SUGCT: variants seen among roughly 807,000 people sequenced by gnomAD.
SUGCT encodes succinyl-CoA:glutarate CoA-transferase.
Under a neutral mutation model 55.0 loss-of-function variants are expected in SUGCT, and 41 were observed. The ratio of observed to expected loss-of-function variants is 0.74; its 90% CI spans 0.58 to 0.97. The LOEUF is 0.97. SUGCT is among the 50% of genes least tolerant of loss of function. SUGCT has a pLI of 0.00. For synonymous variants in SUGCT, 187 were observed against 200.4 expected, an observed-to-expected ratio of 0.93 and a Z score of 0.56; for missense variants, 568 against 547.8, an observed-to-expected ratio of 1.04 and a Z score of -0.37.
chr7:40,863,707 C>T (rs1794532823), downstream of SUGCT, among the ~76,000 whole-genome samples: 1 of 152,128 alleles, frequency 6.6e-6, no homozygotes, highest in Non-Finnish European at 1.5e-5. Context: ...AGTCTCCTTG[C>T]ATTTGCTTCT....
intron 13 of SUGCT, among the ~76,000 whole-genome samples, chr7:40,804,605 T>A (rs910404393): frequency 1.3e-5 from 2 of 152,088 alleles, no homozygotes; most frequent in African/African-American, 4.8e-5. Context: ...GCAATCAGCA[T>A]TTGTGGATGA....
rs576279953 is a variant in SUGCT at position 40,601,351 on chromosome 7, A to C, written c.1089+104965A>C. On this transcript the variant is annotated intron_variant, in intron 12 of 13. Transcript: ENST00000335693. ...AGGGAGAGATCTGGGATCTGCAGACACCAGGTTCCCCTGTGGACTGTAACC... is the reference window on the plus strand; with the variant it reads ...AGGGAGAGATCTGGGATCTGCAGACCCCAGGTTCCCCTGTGGACTGTAACC... Among the ~76,000 whole-genome samples the C allele has an allele frequency of 1.8e-3, 278 of 152,312 alleles. 1 individual carries two copies. Among genetic ancestry groups the C allele is most frequent in the Middle Eastern group, 6.8e-3 (2 of 294 alleles).
At chr7:40,521,928 C>T (rs1474905154) in intron 12 of SUGCT, among the ~76,000 whole-genome samples, 2 of 152,070 alleles carry the variant, frequency 1.3e-5, no homozygotes, top group Non-Finnish European at 2.9e-5. Flanking sequence ...ATACCAACTA[C>T]TAAGTTGTTT....
chr7:40,467,057 C>A (rs1361040424), intron 11 of SUGCT, among the ~76,000 whole-genome samples: 1 of 151,930 alleles, frequency 6.6e-6, no homozygotes, highest in Non-Finnish European at 1.5e-5. Context: ...AAAAAACTAG[C>A]TGGGCATGGT....
intron 11 of SUGCT, among the ~76,000 whole-genome samples, chr7:40,469,397 G>A (rs1056831947): frequency 3.3e-5 from 5 of 152,172 alleles, no homozygotes; most frequent in African/African-American, 4.8e-5. Context: ...TGGCAGTGCT[G>A]CCATTATCAG....
intron 13 of SUGCT, among the ~76,000 whole-genome samples, chr7:40,786,726 C>T (rs990354052): frequency 5.8e-4 from 88 of 152,120 alleles, no homozygotes; most frequent in Middle Eastern, 3.4e-3. Context: ...ATCATACCCC[C>T]TCACTAAAAA....
chr7:40,897,855 G>T, the SUGCT span, among the ~76,000 whole-genome samples: 1 of 152,086 alleles, frequency 6.6e-6, no homozygotes, highest in African/African-American at 2.4e-5. Flanking sequence ...GGACCAATCA[G>T]CACTCTGTAA....
At chr7:40,273,448 G>C (rs1435650988) in intron 7 of SUGCT, among the ~76,000 whole-genome samples, 1 of 152,152 alleles carries the variant, frequency 6.6e-6, no homozygotes, top group African/African-American at 2.4e-5. Context: ...TAGGTATTCT[G>C]TGCGATTTAA....
intron 9 of SUGCT, among the ~76,000 whole-genome samples, chr7:40,358,290 G>A (rs1175203357): frequency 6.6e-6 from 1 of 152,140 alleles, no homozygotes; most frequent in African/African-American, 2.4e-5. Flanking sequence ...TTATGGCCAG[G>A]TTATTAAGTA....
chr7:40,585,723 C>T (rs1797341073), intron 12 of SUGCT, among the ~76,000 whole-genome samples: 2 of 152,042 alleles, frequency 1.3e-5, no homozygotes, highest in South Asian at 2.1e-4. Context: ...TCTGGCACCC[C>T]GGCTAGAGTG....
intron 12 of SUGCT, among the ~76,000 whole-genome samples, chr7:40,729,116 A>G (rs888208804): frequency 6.6e-6 from 1 of 152,230 alleles, no homozygotes; most frequent in Admixed American, 6.5e-5. Context: ...AATGAAATTC[A>G]TTAATATTTA....
intron 10 of SUGCT, among the ~76,000 whole-genome samples, chr7:40,450,222 C>G (rs1358942471): frequency 6.6e-6 from 1 of 152,046 alleles, no homozygotes; most frequent in African/African-American, 2.4e-5. Flanking sequence ...ACCACTGCAC[C>G]CGGCCTACTA....
chr7:40,454,788 A>G (rs939869638), intron 10 of SUGCT, among the ~76,000 whole-genome samples: 4 of 152,230 alleles, frequency 2.6e-5, no homozygotes, highest in Non-Finnish European at 5.9e-5. Context: ...TGAAGGTTAA[A>G]TAAAGATGTT....
intron 13 of SUGCT, among the ~76,000 whole-genome samples, chr7:40,828,974 G>A (rs1003563828): frequency 6.6e-6 from 1 of 152,096 alleles, no homozygotes; most frequent in African/African-American, 2.4e-5. Flanking sequence ...CTTATATTCC[G>A]AGCACCGATC....
intron 13 of SUGCT, among the ~76,000 whole-genome samples, chr7:40,807,881 C>T (rs2128754782): frequency 6.6e-6 from 1 of 152,314 alleles, no homozygotes; most frequent in Non-Finnish European, 1.5e-5. Context: ...GCATCCAGCA[C>T]AGGAGAAAGA....
At chr7:40,936,262 A>G in the SUGCT span, among the ~76,000 whole-genome samples, 2 of 131,676 alleles carry the variant, frequency 1.5e-5, no homozygotes, top group African/African-American at 2.5e-5. Context: ...TACTAATTTA[A>G]TCTCCTTATC....
At chr7:40,814,151 C>T (rs1449091698) in intron 13 of SUGCT, among the ~76,000 whole-genome samples, 1 of 152,030 alleles carries the variant, frequency 6.6e-6, no homozygotes, top group Non-Finnish European at 1.5e-5. Flanking sequence ...GTGTCGACCT[C>T]GGATAGCCTA....
intron 12 of SUGCT, among the ~76,000 whole-genome samples, chr7:40,611,698 CG>C (rs1288585605): frequency 2.0e-5 from 3 of 152,194 alleles, no homozygotes; most frequent in Admixed American, 2.0e-4. Context: ...AAGTACATTA[CG>C]TATATTAGCT....
At chr7:40,187,332 G>A (rs528822274) in intron 3 of SUGCT, among the ~76,000 whole-genome samples, 122 of 152,162 alleles carry the variant, frequency 8.0e-4, no homozygotes, top group Middle Eastern at 6.8e-3. Context: ...TATACCTAAT[G>A]TTAAATGATG....
Sources: gnomAD v4.1 joint callset for allele counts (sites outside exome capture counted in the v4.1 genomes callset) on GRCh38, gnomAD v4.1.1 for gene constraint, MANE v1.5 for transcripts, NCBI Gene and HGNC (gene_info 2026-07-23, HGNC 2026-07-21) for gene names.